HECW1: variants seen among roughly 807,000 people sequenced by gnomAD.
HECW1 encodes E3 ubiquitin-protein ligase HECW1.
In HECW1, 61 loss-of-function variants were observed where a neutral mutation model predicts 182.3. The ratio of observed to expected loss-of-function variants is 0.33; its 90% CI spans 0.27 to 0.41. The LOEUF is 0.41. Among genes scored for constraint, HECW1 ranks in the 10% least tolerant of loss-of-function variants. The probability of loss-of-function intolerance (pLI) is 1.00; values close to 1 mark genes in which losing one functional copy is unlikely to be tolerated. For missense variants in HECW1, 1,739 were observed against 2,108.9 expected (o/e 0.82, Z 3.44); for synonymous variants, 859 against 832.6 (o/e 1.03, Z -0.55).
intron 18 of HECW1, 88 bp from the exon 19 acceptor site, chr7:43,492,996 C>T: frequency 2.5e-6 from 2 of 811,972 alleles, no homozygotes; most frequent in Non-Finnish European, 3.9e-6. Flanking sequence ...CTTCATTAAT[C>T]CTGGTATCAA....
At chr7:43,198,688 ACAC>A (rs1794741667) in intron 2 of HECW1, among the ~76,000 whole-genome samples, 1 of 147,616 alleles carries the variant, frequency 6.8e-6, no homozygotes, top group Non-Finnish European at 1.5e-5. Context: ...CACACCACAC[ACAC>A]CATACATACA....
chr7:43,488,110 A>G (rs1585058800), intron 17 of HECW1, among the ~76,000 whole-genome samples: 1 of 151,906 alleles, frequency 6.6e-6, no homozygotes, highest in East Asian at 1.9e-4. Context: ...AGGAGTTCAA[A>G]ACCAGCCTGG....
chr7:43,316,729 C>T (rs1809307864), intron 4 of HECW1, among the ~76,000 whole-genome samples: 1 of 151,076 alleles, frequency 6.6e-6, no homozygotes, highest in Non-Finnish European at 1.5e-5. Flanking sequence ...TGTGGCTTGG[C>T]CCACAGCATC....
intron 2 of HECW1, among the ~76,000 whole-genome samples, chr7:43,121,368 G>A (rs1785590893): frequency 6.6e-6 from 1 of 152,146 alleles, no homozygotes; most frequent in Non-Finnish European, 1.5e-5. Context: ...TCTCAGGAGT[G>A]GCCAAAGTAC....
intron 12 of HECW1, among the ~76,000 whole-genome samples, chr7:43,455,759 G>A (rs188989483): frequency 1.4e-3 from 220 of 151,842 alleles, no homozygotes; most frequent in African/African-American, 5.2e-3. Context: ...GGAAGGCTGA[G>A]GTGGGAAGAT....
chr7:43,466,343 T>C, intron 14 of HECW1, 104 bp from the exon 15 acceptor site: 2 of 1,151,502 alleles, frequency 1.7e-6, no homozygotes, highest in South Asian at 2.8e-5. Flanking sequence ...AACAGTCTGC[T>C]GTGTGGGTGA....
chr7:43,537,492 G>C (rs2081218263), intron 24 of HECW1, among the ~76,000 whole-genome samples: 1 of 152,170 alleles, frequency 6.6e-6, no homozygotes, highest in Admixed American at 6.5e-5. Flanking sequence ...CAATTGTTTA[G>C]TTTAGGGGAG....
At chr7:43,229,585 T>G (rs1484309582) in intron 2 of HECW1, among the ~76,000 whole-genome samples, 1 of 151,996 alleles carries the variant, frequency 6.6e-6, no homozygotes, top group Non-Finnish European at 1.5e-5. Flanking sequence ...GACACAAGTT[T>G]GCCTGTACAA....
chr7:43,270,527 A>G (rs1217409697), intron 3 of HECW1, among the ~76,000 whole-genome samples: 2 of 152,170 alleles, frequency 1.3e-5, no homozygotes, highest in African/African-American at 2.4e-5. Context: ...GAAGTCACAC[A>G]TTGTTACTCC....
chr7:43,240,900 A>T (rs1798819249), intron 2 of HECW1, among the ~76,000 whole-genome samples: 1 of 151,576 alleles, frequency 6.6e-6, no homozygotes, highest in Admixed American at 6.6e-5. Flanking sequence ...CTGCAGAGGG[A>T]CCCTCCCCAC....
intron 6 of HECW1, among the ~76,000 whole-genome samples, chr7:43,374,492 T>A (rs908173361): frequency 1.2e-4 from 18 of 152,088 alleles, no homozygotes; most frequent in African/African-American, 4.3e-4. Flanking sequence ...TAGAACTTTT[T>A]AAAACCCAGA....
intron 3 of HECW1, among the ~76,000 whole-genome samples, chr7:43,304,116 T>A (rs1223583519): frequency 6.6e-6 from 1 of 152,152 alleles, no homozygotes. Context: ...TGCCTGCCAT[T>A]GGGTTGGGTA....
intron 2 of HECW1, among the ~76,000 whole-genome samples, chr7:43,198,210 C>T (rs1794656610): frequency 1.3e-5 from 2 of 148,524 alleles, no homozygotes; most frequent in African/African-American, 5.0e-5. Flanking sequence ...ACACGCTCAC[C>T]CTATACACAC....
chr7:43,316,557 T>C (rs1809275006), intron 4 of HECW1, among the ~76,000 whole-genome samples: 1 of 152,110 alleles, frequency 6.6e-6, no homozygotes, highest in African/African-American at 2.4e-5. Context: ...AGTGATTAAA[T>C]AAACTGCCTA....
intron 2 of HECW1, among the ~76,000 whole-genome samples, chr7:43,186,726 A>G (rs1356102233): frequency 1.3e-5 from 2 of 152,026 alleles, no homozygotes; most frequent in East Asian, 1.9e-4. Context: ...CCTTTTGTAC[A>G]TTTAGATATG....
chr7:43,159,624 A>C (rs1294088378), intron 2 of HECW1, among the ~76,000 whole-genome samples: 2 of 152,080 alleles, frequency 1.3e-5, no homozygotes, highest in Non-Finnish European at 2.9e-5. Flanking sequence ...ACATACAAAA[A>C]ACATTTCCTT....
intron 2 of HECW1, among the ~76,000 whole-genome samples, chr7:43,167,373 T>A (rs1791240382): frequency 6.6e-6 from 1 of 152,220 alleles, no homozygotes; most frequent in African/African-American, 2.4e-5. Context: ...AGGGTGATTT[T>A]ATCTCAAGAT....
At chr7:43,535,895 A>AT (rs1440093721) in intron 24 of HECW1, among the ~76,000 whole-genome samples, 6 of 152,134 alleles carry the variant, frequency 3.9e-5, no homozygotes, top group African/African-American at 1.4e-4. Context: ...CAATTCTGTT[A>AT]TTTTTCTTTG....
At chr7:43,290,979 T>G (rs528870433) in intron 3 of HECW1, among the ~76,000 whole-genome samples, 2 of 152,356 alleles carry the variant, frequency 1.3e-5, no homozygotes, top group African/African-American at 4.8e-5. Flanking sequence ...TGGAGAATAC[T>G]CACAGTGGTA....
Sources: allele counts gnomAD v4.1 joint callset (sites outside exome capture counted in the v4.1 genomes callset), GRCh38; gene constraint gnomAD v4.1.1; transcripts MANE v1.5; gene names NCBI Gene and HGNC (gene_info 2026-07-23, HGNC 2026-07-21).